The following PCDH9 variants were observed in gnomAD, a reference collection of about 807,000 sequenced individuals.
The protein encoded by PCDH9 is protocadherin 9, also known as protocadherin-9.
A neutral mutation model predicts 70.6 loss-of-function variants in PCDH9; 24 were observed. The ratio of observed to expected loss-of-function variants is 0.34; its 90% CI spans 0.25 to 0.48. The LOEUF (loss-of-function observed/expected upper bound fraction) is 0.48, where lower values mean the gene tolerates loss of function less well. Ranked by LOEUF, PCDH9 falls within the 20% of genes least tolerant of loss-of-function variation. The pLI, the probability that PCDH9 is intolerant of heterozygous loss-of-function variation, is 0.99. For missense variants in PCDH9, 1,281 were observed against 1,503.6 expected, an observed-to-expected ratio of 0.85 and a Z score of 2.45; for synonymous variants, 562 against 558.5, an observed-to-expected ratio of 1.01 and a Z score of -0.09.
At chr13:66,828,480 T>C (rs2080863445) in intron 3 of PCDH9, among the ~76,000 whole-genome samples, 1 of 152,198 alleles carries the variant, frequency 6.6e-6, no homozygotes, top group South Asian at 2.1e-4. Context: ...TCTCTCTTAA[T>C]TGTGTCACTT....
At chr13:67,187,156 C>T (rs1053587631) in intron 2 of PCDH9, among the ~76,000 whole-genome samples, 5 of 152,172 alleles carry the variant, frequency 3.3e-5, no homozygotes, top group African/African-American at 9.7e-5. Flanking sequence ...TGTTCCATGA[C>T]GCTGTGAAAG....
intron 2 of PCDH9, among the ~76,000 whole-genome samples, chr13:66,984,943 T>TCTAAA (rs2083859234): frequency 6.6e-6 from 1 of 152,114 alleles, no homozygotes; most frequent in Non-Finnish European, 1.5e-5. Context: ...CCCATTGCAT[T>TCTAAA]GGCTGTCTCC....
rs892636325 is a variant in PCDH9 at position 66,317,121 on chromosome 13, A to C, written c.3341-12093T>G. ...TCACACTAGAATATAAGCACCATGA[A>C]ATCACACACTTTGCTTTTTTCATAC... On this transcript the variant is annotated intron_variant, in intron 4 of 4. Transcript: ENST00000377865. 3.9e-5 allele frequency among the ~76,000 whole-genome samples: 6 copies of C among 152,250 alleles called. No homozygotes were observed. In the East Asian group the frequency reaches 1.2e-3, roughly 29 times the overall value.
At chr13:67,069,630 T>A (rs1307461260) in intron 2 of PCDH9, among the ~76,000 whole-genome samples, 2 of 152,144 alleles carry the variant, frequency 1.3e-5, no homozygotes, top group Non-Finnish European at 2.9e-5. Flanking sequence ...ACGCTAGTGC[T>A]TTTCACACTC....
At chr13:66,832,068 G>A (rs765683464) in intron 3 of PCDH9, among the ~76,000 whole-genome samples, 43 of 152,032 alleles carry the variant, frequency 2.8e-4, no homozygotes, top group Non-Finnish European at 5.6e-4. Flanking sequence ...CAGAGTTAAA[G>A]GATGACAGTA....
chr13:66,587,917 C>T (rs1304656762), intron 4 of PCDH9, among the ~76,000 whole-genome samples: 1 of 151,896 alleles, frequency 6.6e-6, no homozygotes, highest in Non-Finnish European at 1.5e-5. Flanking sequence ...AATTCATGAA[C>T]TTTCACATCT....
At chr13:67,198,259 T>G (rs1281909881) in intron 2 of PCDH9, among the ~76,000 whole-genome samples, 2 of 151,830 alleles carry the variant, frequency 1.3e-5, no homozygotes. Context: ...TTAGTATGCA[T>G]CTTAACCTAT....
intron 3 of PCDH9, among the ~76,000 whole-genome samples, chr13:66,669,256 T>A (rs2078139686): frequency 1.3e-5 from 2 of 152,294 alleles, no homozygotes; most frequent in South Asian, 4.1e-4. Flanking sequence ...TCTCTCCATA[T>A]CTATTTTGTT....
At chr13:67,224,911 C>G (rs1026251270) in intron 2 of PCDH9, 56 of 990,620 alleles carry the variant, frequency 5.7e-5, no homozygotes, top group Non-Finnish European at 6.5e-5. Flanking sequence ...ATTTAATATT[C>G]TACTATCCTG....
intron 3 of PCDH9, among the ~76,000 whole-genome samples, chr13:66,730,897 T>TTTTTTTTG (rs2079070631): frequency 2.3e-5 from 3 of 129,102 alleles, no homozygotes; most frequent in African/African-American, 5.8e-5. Flanking sequence ...GTTTGTTTCT[T>TTTTTTTTG]TTTTTTTGTG....
At chr13:66,642,225 T>C (rs2077718066) in intron 3 of PCDH9, among the ~76,000 whole-genome samples, 1 of 152,104 alleles carries the variant, frequency 6.6e-6, no homozygotes, top group Non-Finnish European at 1.5e-5. Context: ...GATCTTTACT[T>C]ATTAATGTTG....
At chr13:67,207,647 C>A (rs2089382845) in intron 2 of PCDH9, 1 of 152,178 alleles carries the variant, frequency 6.6e-6, no homozygotes, top group East Asian at 1.9e-4. Context: ...TACAAAGCCT[C>A]AAATATCTTC....
intron 4 of PCDH9, among the ~76,000 whole-genome samples, chr13:66,393,000 T>C (rs1420006652): frequency 1.3e-5 from 2 of 152,126 alleles, no homozygotes; most frequent in Non-Finnish European, 2.9e-5. Flanking sequence ...GCATGTTGTT[T>C]TAGATAGAAA....
intron 4 of PCDH9, among the ~76,000 whole-genome samples, chr13:66,415,216 C>T (rs1311703264): frequency 6.6e-6 from 1 of 152,090 alleles, no homozygotes; most frequent in Non-Finnish European, 1.5e-5. Flanking sequence ...CAATATTTTC[C>T]TCACCTTCCA....
chr13:66,656,043 G>C (rs1334224604), intron 3 of PCDH9, among the ~76,000 whole-genome samples: 1 of 151,032 alleles, frequency 6.6e-6, no homozygotes, highest in East Asian at 1.9e-4. Context: ...GATTCTAAGA[G>C]AACTAACACT....
intron 3 of PCDH9, among the ~76,000 whole-genome samples, chr13:66,847,355 TC>T (rs1807337338): frequency 6.6e-6 from 1 of 152,074 alleles, no homozygotes; most frequent in African/African-American, 2.4e-5. Flanking sequence ...AAACTGAATA[TC>T]CCCCCTTATG....
chr13:66,414,053 G>T (rs1353626197), intron 4 of PCDH9, among the ~76,000 whole-genome samples: 1 of 151,420 alleles, frequency 6.6e-6, no homozygotes, highest in East Asian at 1.9e-4. Context: ...GAAACTCAAA[G>T]AAAAAATATA....
At chr13:67,170,042 C>A (rs1000828375) in intron 2 of PCDH9, among the ~76,000 whole-genome samples, 2 of 152,088 alleles carry the variant, frequency 1.3e-5, no homozygotes, top group Admixed American at 1.3e-4. Context: ...TCACAGATAC[C>A]TGCTTATTTG....
At chr13:67,010,564 T>C (rs1485315530) in intron 2 of PCDH9, among the ~76,000 whole-genome samples, 1 of 151,980 alleles carries the variant, frequency 6.6e-6, no homozygotes, top group East Asian at 1.9e-4. Context: ...ATTTTGATGA[T>C]GGCTATTATT....
Sources: allele counts gnomAD v4.1 joint callset (sites outside exome capture counted in the v4.1 genomes callset), GRCh38; gene constraint gnomAD v4.1.1; transcripts MANE v1.5; gene names NCBI Gene and HGNC (gene_info 2026-07-23, HGNC 2026-07-21).